The following LGSN variants were observed in gnomAD, a reference collection of about 807,000 sequenced individuals.
LGSN encodes lengsin, lens protein with glutamine synthetase domain.
In LGSN, 21 loss-of-function variants were observed where a neutral mutation model predicts 19.5. The ratio of observed to expected loss-of-function variants is 1.07; its 90% confidence interval spans 0.76 to 1.55. The LOEUF is 1.55. Among genes scored for constraint, LGSN ranks in the 40% most tolerant of loss-of-function variants. The pLI, the probability that LGSN is intolerant of heterozygous loss-of-function variation, is 0.00. For missense variants in LGSN, 673 were observed against 608.5 expected, an observed-to-expected ratio of 1.11 and a Z score of -1.12; for synonymous variants, 257 against 215.6, an observed-to-expected ratio of 1.19 and a Z score of -1.68.
chr6:63,364,283 A>G, the LGSN span, among the ~76,000 whole-genome samples: 2 of 152,218 alleles, frequency 1.3e-5, no homozygotes, highest in Non-Finnish European at 2.9e-5. Flanking sequence ...ACGGGTTGCA[A>G]TCCCAGTCTC....
the LGSN span, among the ~76,000 whole-genome samples, chr6:63,332,636 C>T: frequency 3.9e-5 from 6 of 152,260 alleles, no homozygotes; most frequent in South Asian, 4.1e-4. Context: ...GTCCAGCGGC[C>T]GCGCTAGTCG....
At chr6:63,550,085 A>G in the LGSN span, among the ~76,000 whole-genome samples, 1 of 152,240 alleles carries the variant, frequency 6.6e-6, no homozygotes, top group Non-Finnish European at 1.5e-5. Context: ...TGCAATTATT[A>G]TGTGTCAACT....
chr6:63,317,391 G>C (rs1337024651), intron 1 of LGSN, among the ~76,000 whole-genome samples: 1 of 152,122 alleles, frequency 6.6e-6, no homozygotes, highest in Admixed American at 6.6e-5. Flanking sequence ...TTAAAATGCA[G>C]GCATTCTCAT....
chr6:63,324,628 C>CA (rs1769188124), upstream of LGSN, among the ~76,000 whole-genome samples: 1 of 151,992 alleles, frequency 6.6e-6, no homozygotes, highest in African/African-American at 2.4e-5. Flanking sequence ...GGAAACTCTA[C>CA]AAATACATGC....
the LGSN span, among the ~76,000 whole-genome samples, chr6:63,547,836 C>A: frequency 1.3e-5 from 2 of 152,118 alleles, no homozygotes; most frequent in Non-Finnish European, 2.9e-5. Flanking sequence ...TAATGCTACA[C>A]AGACCCCAGA....
At chr6:63,285,175 T>C (rs1767476798) in intron 3 of LGSN, among the ~76,000 whole-genome samples, 1 of 152,246 alleles carries the variant, frequency 6.6e-6, no homozygotes, top group Non-Finnish European at 1.5e-5. Flanking sequence ...AATACATTTT[T>C]TATCTAGCAA....
the LGSN span, among the ~76,000 whole-genome samples, chr6:63,348,085 C>T: frequency 6.6e-6 from 1 of 152,278 alleles, no homozygotes; most frequent in Non-Finnish European, 1.5e-5. Context: ...CATAAATAAG[C>T]TAGTCATTCA....
chr6:63,305,955 T>G (rs528196928), intron 1 of LGSN, among the ~76,000 whole-genome samples: 10 of 152,038 alleles, frequency 6.6e-5, no homozygotes, highest in African/African-American at 1.9e-4. Context: ...TAGTCCCAGC[T>G]ACTTGGGAGG....
chr6:63,527,430 A>G, the LGSN span, among the ~76,000 whole-genome samples: 1,075 of 152,274 alleles, frequency 7.1e-3, 8 homozygotes, highest in African/African-American at 0.024. Flanking sequence ...GTCATCTACT[A>G]TTTGATGGGT....
the LGSN span, among the ~76,000 whole-genome samples, chr6:63,566,256 T>G: frequency 6.6e-6 from 1 of 152,194 alleles, no homozygotes; most frequent in Non-Finnish European, 1.5e-5. Flanking sequence ...AAACATTTAT[T>G]AAAGGAACTT....
chr6:63,495,469 T>TTCTTTTTTTG, the LGSN span, among the ~76,000 whole-genome samples: 2 of 119,306 alleles, frequency 1.7e-5, no homozygotes, highest in Non-Finnish European at 3.3e-5. Context: ...TTTTTTTTTT[T>TTCTTTTTTTG]TTTTTTTGAG....
chr6:63,454,617 G>A, the LGSN span, among the ~76,000 whole-genome samples: 4 of 150,380 alleles, frequency 2.7e-5, no homozygotes, highest in East Asian at 3.9e-4. Context: ...GATTACAGGC[G>A]CCCGCCACCA....
the LGSN span, among the ~76,000 whole-genome samples, chr6:63,511,401 G>C: frequency 6.6e-6 from 1 of 152,016 alleles, no homozygotes; most frequent in African/African-American, 2.4e-5. Context: ...TTACAGGCAT[G>C]CACCACCACG....
the LGSN span, among the ~76,000 whole-genome samples, chr6:63,326,893 G>T: frequency 6.6e-6 from 1 of 152,168 alleles, no homozygotes; most frequent in Non-Finnish European, 1.5e-5. Flanking sequence ...GCCCAGAAAG[G>T]GGCTCCCATA....
the LGSN span, among the ~76,000 whole-genome samples, chr6:63,474,395 T>A: frequency 7.3e-5 from 11 of 150,640 alleles, no homozygotes; most frequent in South Asian, 2.3e-3. Context: ...GATCACGAGG[T>A]CAGGAGATCG....
upstream of LGSN, among the ~76,000 whole-genome samples, chr6:63,323,777 T>G (rs1023486774): frequency 6.7e-6 from 1 of 149,968 alleles, no homozygotes; most frequent in Non-Finnish European, 1.5e-5. Context: ...TGCATTCTTT[T>G]TTTTTTTTTT....
chr6:63,286,309 T>C (rs1767534432), intron 2 of LGSN, among the ~76,000 whole-genome samples: 1 of 152,202 alleles, frequency 6.6e-6, no homozygotes, highest in South Asian at 2.1e-4. Flanking sequence ...TCTGTCAAAT[T>C]TAAAACTTGC....
At chr6:63,527,344 T>C in the LGSN span, among the ~76,000 whole-genome samples, 2 of 152,200 alleles carry the variant, frequency 1.3e-5, no homozygotes, top group Admixed American at 1.3e-4. Context: ...CAGATTCTCG[T>C]ATCACCACAG....
At chr6:63,333,684 C>T in the LGSN span, among the ~76,000 whole-genome samples, 1 of 143,700 alleles carries the variant, frequency 7.0e-6, no homozygotes, top group Non-Finnish European at 1.5e-5. Flanking sequence ...AAGGGGGAAA[C>T]TACAGGTCTA....
Sources: allele counts gnomAD v4.1 joint callset (sites outside exome capture counted in the v4.1 genomes callset), GRCh38; gene constraint gnomAD v4.1.1; transcripts MANE v1.5; gene names NCBI Gene and HGNC (gene_info 2026-07-23, HGNC 2026-07-21).